ANKRD45: variants seen among roughly 807,000 people sequenced by gnomAD.
ANKRD45 encodes the protein ankyrin repeat domain 45, also known as ankyrin repeat domain-containing protein 45.
A neutral mutation model predicts 28.1 loss-of-function variants in ANKRD45; 21 were observed. The ratio of observed to expected loss-of-function variants is 0.75; its 90% CI spans 0.53 to 1.08. ANKRD45 has a LOEUF of 1.08. ANKRD45 is among the 50% of genes least tolerant of loss of function. The pLI, the probability that ANKRD45 is intolerant of heterozygous loss-of-function variation, is 0.00. For missense variants in ANKRD45, 261 were observed against 308.7 expected (o/e 0.85, Z 1.16); for synonymous variants, 86 against 103.9 (o/e 0.83, Z 1.05).
the ANKRD45 span, among the ~76,000 whole-genome samples, chr1:173,687,493 A>G: frequency 8.3e-6 from 1 of 120,218 alleles, no homozygotes; most frequent in African/African-American, 3.1e-5. Context: ...GAAGATAACT[A>G]TTCTTTTCCA....
chr1:173,663,143 T>G (rs1669860003), intron 1 of ANKRD45, among the ~76,000 whole-genome samples: 1 of 151,658 alleles, frequency 6.6e-6, no homozygotes, highest in Admixed American at 6.6e-5. Context: ...ATAAAAGATA[T>G]AGCTAACTTC....
intron 5 of ANKRD45, among the ~76,000 whole-genome samples, chr1:173,619,525 G>A (rs754321784): frequency 2.4e-4 from 36 of 152,060 alleles, no homozygotes; most frequent in Admixed American, 9.8e-4. Flanking sequence ...AACCAACAAA[G>A]GTCAAAAAGG....
intron 5 of ANKRD45, among the ~76,000 whole-genome samples, chr1:173,621,877 G>A (rs1431413249): frequency 1.3e-5 from 2 of 152,144 alleles, no homozygotes; most frequent in African/African-American, 4.8e-5. Flanking sequence ...ATCTTTGTTT[G>A]CAGATGACAT....
chr1:173,660,161 A>T (rs993710511), intron 1 of ANKRD45, among the ~76,000 whole-genome samples: 1 of 152,156 alleles, frequency 6.6e-6, no homozygotes, highest in Non-Finnish European at 1.5e-5. Context: ...ACACATGAGC[A>T]TGAAAACCCA....
At chr1:173,654,717 A>G (rs964337606) in intron 2 of ANKRD45, among the ~76,000 whole-genome samples, 1 of 152,138 alleles carries the variant, frequency 6.6e-6, no homozygotes, top group Non-Finnish European at 1.5e-5. Flanking sequence ...CATTCTCCCC[A>G]TCACTTTCGG....
chr1:173,697,748 C>G, the ANKRD45 span, among the ~76,000 whole-genome samples: 29 of 152,226 alleles, frequency 1.9e-4, no homozygotes, highest in African/African-American at 6.8e-4. Flanking sequence ...TAGGAAGACA[C>G]TGCATCAACT....
At chr1:173,633,855 TTAAATA>T (rs1668298126) in intron 3 of ANKRD45, among the ~76,000 whole-genome samples, 1 of 152,050 alleles carries the variant, frequency 6.6e-6, no homozygotes, top group South Asian at 2.1e-4. Flanking sequence ...AATTAAAGAC[TTAAATA>T]TAAGACCTCA....
chr1:173,630,523 T>C (rs957981922), intron 3 of ANKRD45, among the ~76,000 whole-genome samples: 29 of 152,092 alleles, frequency 1.9e-4, no homozygotes, highest in African/African-American at 6.8e-4. Flanking sequence ...TAAGATACTA[T>C]TTGAAAGTCT....
chr1:173,709,891 C>T, the ANKRD45 span, among the ~76,000 whole-genome samples: 1 of 152,174 alleles, frequency 6.6e-6, no homozygotes, highest in Admixed American at 6.5e-5. Flanking sequence ...CTGGGTCTCC[C>T]AAAGAGCTGG....
chr1:173,659,722 C>T (rs2102389150), intron 1 of ANKRD45, among the ~76,000 whole-genome samples: 1 of 152,172 alleles, frequency 6.6e-6, no homozygotes, highest in South Asian at 2.1e-4. Context: ...GATCTAAATT[C>T]ATTAGGAAGA....
At chr1:173,692,211 T>C in the ANKRD45 span, among the ~76,000 whole-genome samples, 2 of 152,364 alleles carry the variant, frequency 1.3e-5, no homozygotes, top group South Asian at 2.1e-4. Flanking sequence ...TACTGACATA[T>C]TAATTCTTTG....
upstream of ANKRD45, among the ~76,000 whole-genome samples, chr1:173,672,901 T>A (rs1184058259): frequency 6.6e-6 from 1 of 152,148 alleles, no homozygotes; most frequent in Non-Finnish European, 1.5e-5. Flanking sequence ...GTATTAATGA[T>A]GGAGGTCCAG....
chr1:173,676,332 T>A, the ANKRD45 span, among the ~76,000 whole-genome samples: 69 of 152,366 alleles, frequency 4.5e-4, no homozygotes, highest in Non-Finnish European at 8.4e-4. Flanking sequence ...CTCCAACTTT[T>A]GTTCATAGGA....
chr1:173,643,557 T>C (rs1309233414), intron 3 of ANKRD45, among the ~76,000 whole-genome samples: 1 of 152,116 alleles, frequency 6.6e-6, no homozygotes, highest in Admixed American at 6.6e-5. Context: ...AAAGAATATA[T>C]TAATTTTTAA....
intron 3 of ANKRD45, among the ~76,000 whole-genome samples, chr1:173,636,004 A>G (rs1668422529): frequency 6.6e-6 from 1 of 152,090 alleles, no homozygotes; most frequent in Non-Finnish European, 1.5e-5. Context: ...TATCTTGCTC[A>G]TACTAGGTGT....
chr1:173,624,207 G>A (rs1020189422), intron 5 of ANKRD45, among the ~76,000 whole-genome samples: 13 of 152,036 alleles, frequency 8.6e-5, no homozygotes, highest in East Asian at 3.8e-4. Flanking sequence ...CAAAATCACC[G>A]ACAGGCCCAG....
At chr1:173,623,472 AG>A (rs1162967682) in intron 5 of ANKRD45, among the ~76,000 whole-genome samples, 5 of 152,212 alleles carry the variant, frequency 3.3e-5, no homozygotes, top group African/African-American at 1.2e-4. Flanking sequence ...GATGCTGGCA[AG>A]GTTGTGGATA....
intron 2 of ANKRD45, among the ~76,000 whole-genome samples, chr1:173,653,766 A>G (rs1669354361): frequency 6.6e-6 from 1 of 152,114 alleles, no homozygotes; most frequent in Non-Finnish European, 1.5e-5. Flanking sequence ...GACCTGCTTT[A>G]TGAATCTGGG....
intron 1 of ANKRD45, among the ~76,000 whole-genome samples, chr1:173,667,241 T>G (rs1396259500): frequency 1.3e-5 from 2 of 152,244 alleles, no homozygotes; most frequent in African/African-American, 4.8e-5. Context: ...ACTGCTTTTC[T>G]TCTTTACAAA....
Sources: gnomAD v4.1 joint callset for allele counts (sites outside exome capture counted in the v4.1 genomes callset) on GRCh38, gnomAD v4.1.1 for gene constraint, MANE v1.5 for transcripts, NCBI Gene and HGNC (gene_info 2026-07-23, HGNC 2026-07-21) for gene names.